DLG2: variants seen among roughly 807,000 people sequenced by gnomAD.
The protein encoded by DLG2 is disks large homolog 2.
In DLG2, 45 loss-of-function variants were observed where a neutral mutation model predicts 132.5. That is an observed-to-expected ratio of 0.34 (90% CI 0.27 to 0.44). The LOEUF is 0.44. DLG2 is among the 20% of genes least tolerant of loss of function. The probability of loss-of-function intolerance (pLI) is 1.00; values close to 1 mark genes in which losing one functional copy is unlikely to be tolerated. For synonymous variants in DLG2, 424 were observed against 419.6 expected, an observed-to-expected ratio of 1.01 and a Z score of -0.13; for missense variants, 1,045 against 1,196.9, an observed-to-expected ratio of 0.87 and a Z score of 1.87.
intron 10 of DLG2, among the ~76,000 whole-genome samples, chr11:84,071,901 G>C (rs1160371937): frequency 2.6e-5 from 4 of 152,182 alleles, no homozygotes; most frequent in Admixed American, 6.5e-5. Context: ...TCAGAGCCGA[G>C]CCTGCTGCCT....
chr11:84,621,006 C>T (rs955220111), intron 6 of DLG2, among the ~76,000 whole-genome samples: 2 of 151,800 alleles, frequency 1.3e-5, no homozygotes, highest in Admixed American at 1.3e-4. Context: ...AGAGTAGAAA[C>T]GAACAATATA....
chr11:83,820,584 T>C (rs1258536594), intron 17 of DLG2, among the ~76,000 whole-genome samples: 2 of 152,192 alleles, frequency 1.3e-5, no homozygotes, highest in African/African-American at 4.8e-5. Flanking sequence ...TCTCATCTTT[T>C]ATGGCTTTCA....
At chr11:84,476,389 T>C (rs535254847) in intron 7 of DLG2, among the ~76,000 whole-genome samples, 22 of 152,312 alleles carry the variant, frequency 1.4e-4, no homozygotes, top group East Asian at 1.9e-4. Flanking sequence ...AATTTTCCTC[T>C]TTTAATCATT....
chr11:84,518,555 C>T (rs563281055), intron 7 of DLG2, among the ~76,000 whole-genome samples: 28 of 152,098 alleles, frequency 1.8e-4, no homozygotes, highest in Non-Finnish European at 3.7e-4. Flanking sequence ...TAACAGATCT[C>T]ACAACTGAAG....
chr11:83,596,058 A>G (rs1021159927), intron 19 of DLG2, among the ~76,000 whole-genome samples: 2 of 152,218 alleles, frequency 1.3e-5, no homozygotes, highest in Admixed American at 1.3e-4. Context: ...AGCACAGTGG[A>G]CCTTATTTTA....
chr11:84,873,105 T>C (rs894267610), intron 6 of DLG2, among the ~76,000 whole-genome samples: 22 of 152,230 alleles, frequency 1.4e-4, no homozygotes, highest in Non-Finnish European at 2.9e-4. Context: ...GGATTTCATA[T>C]ACGTGATTAA....
At chr11:84,787,699 C>T (rs1311379852) in intron 6 of DLG2, among the ~76,000 whole-genome samples, 2 of 152,074 alleles carry the variant, frequency 1.3e-5, no homozygotes, top group African/African-American at 4.8e-5. Context: ...AGTTCCTGCA[C>T]ATCATAGTAC....
intron 5 of DLG2, among the ~76,000 whole-genome samples, chr11:85,139,687 T>C (rs1304802841): frequency 1.3e-5 from 2 of 152,066 alleles, no homozygotes; most frequent in East Asian, 3.9e-4. Flanking sequence ...TATAATACAA[T>C]GTTATTACCT....
At chr11:84,938,349 C>A (rs1407210322) in intron 6 of DLG2, among the ~76,000 whole-genome samples, 3 of 152,046 alleles carry the variant, frequency 2.0e-5, no homozygotes, top group Admixed American at 2.0e-4. Flanking sequence ...ATAGAGAATA[C>A]TAGGTGACTA....
chr11:83,482,748 A>G (rs978727455), intron 22 of DLG2, among the ~76,000 whole-genome samples: 3 of 152,162 alleles, frequency 2.0e-5, no homozygotes, highest in African/African-American at 4.8e-5. Context: ...GCTTTTAGAG[A>G]ATGCATGTTC....
chr11:84,905,940 G>T (rs1167591384), intron 6 of DLG2, among the ~76,000 whole-genome samples: 7 of 152,058 alleles, frequency 4.6e-5, no homozygotes, highest in African/African-American at 1.7e-4. Flanking sequence ...CTTCCAGATT[G>T]TCTAAAGTAT....
At chr11:84,036,659 C>A (rs370842822) in intron 11 of DLG2, among the ~76,000 whole-genome samples, 1 of 152,152 alleles carries the variant, frequency 6.6e-6, no homozygotes, top group African/African-American at 2.4e-5. Flanking sequence ...ACTTAAATTG[C>A]AAGAGTTTTC....
chr11:85,387,819 A>T (rs1178603232), intron 3 of DLG2, among the ~76,000 whole-genome samples: 1 of 152,228 alleles, frequency 6.6e-6, no homozygotes, highest in Non-Finnish European at 1.5e-5. Context: ...AAAATGGCAG[A>T]CAGGAAGGAG....
chr11:84,335,160 C>CA (rs58944265), intron 7 of DLG2, among the ~76,000 whole-genome samples: 19,203 of 62,550 alleles, frequency 0.31, 2,678 homozygotes, highest in Non-Finnish European at 0.38. Context: ...ATAAAGAAAG[C>CA]AAAAAAAAAA....
At chr11:83,600,754 G>C (rs1332963922) in intron 19 of DLG2, among the ~76,000 whole-genome samples, 1 of 152,206 alleles carries the variant, frequency 6.6e-6, no homozygotes, top group Non-Finnish European at 1.5e-5. Context: ...TCACCTCAGT[G>C]AAAGTGAAGG....
intron 3 of DLG2, among the ~76,000 whole-genome samples, chr11:85,491,998 C>T (rs769824451): frequency 1.4e-4 from 21 of 149,490 alleles, no homozygotes; most frequent in Non-Finnish European, 2.5e-4. Context: ...AAATATACTA[C>T]AAAGCTAGAA....
At chr11:84,647,133 A>T (rs926249304) in intron 6 of DLG2, among the ~76,000 whole-genome samples, 1 of 152,170 alleles carries the variant, frequency 6.6e-6, no homozygotes, top group Admixed American at 6.6e-5. Flanking sequence ...TACTAATGGC[A>T]TAATAAGAGC....
chr11:84,143,465 A>G (rs2094941112), intron 9 of DLG2, among the ~76,000 whole-genome samples: 3 of 152,208 alleles, frequency 2.0e-5, no homozygotes, highest in African/African-American at 4.8e-5. Flanking sequence ...CTAAGTCTAT[A>G]TAGACCAAAC....
At chr11:84,941,688 T>C (rs2049448228) in intron 6 of DLG2, among the ~76,000 whole-genome samples, 1 of 149,798 alleles carries the variant, frequency 6.7e-6, no homozygotes, top group Non-Finnish European at 1.5e-5. Flanking sequence ...TGTAGTTTTC[T>C]TTCTTTCTCT....
Sources: gnomAD v4.1 joint callset for allele counts (sites outside exome capture counted in the v4.1 genomes callset) on GRCh38, gnomAD v4.1.1 for gene constraint, MANE v1.5 for transcripts, NCBI Gene and HGNC (gene_info 2026-07-23, HGNC 2026-07-21) for gene names.